Variants in PRSS23 observed in about 807,000 individuals in gnomAD.
The protein encoded by PRSS23 is serine protease 23.
PRSS23 carries 25 observed loss-of-function variants against 34.7 expected under a neutral mutation model. The ratio of observed to expected loss-of-function variants is 0.72; its 90% confidence interval spans 0.53 to 1.01. The LOEUF is 1.01. Ranked by LOEUF, PRSS23 falls within the 50% of genes least tolerant of loss-of-function variation. The pLI is 0.00. For missense variants in PRSS23, 445 were observed against 475.6 expected (o/e 0.94, Z 0.60); for synonymous variants, 176 against 186.6 (o/e 0.94, Z 0.46).
At chr11:86,939,426 A>ATATATATATATATTTTTTTT in intron 2 of PRSS23, among the ~76,000 whole-genome samples, 27 of 94,050 alleles carry the variant, frequency 2.9e-4, no homozygotes, top group Non-Finnish European at 4.6e-4. Context: ...ATATATATAT[A>ATATATATATATATTTTTTTT]TTTTTTAACA....
intron 2 of PRSS23, chr11:86,938,976 T>C (rs764919493): frequency 9.3e-6 from 4 of 427,944 alleles, no homozygotes; most frequent in South Asian, 1.7e-5. Context: ...CTCAAAAATA[T>C]AGGGAAATTT....
At chr11:86,928,248 TTTA>T (rs1949095724) in intron 2 of PRSS23, among the ~76,000 whole-genome samples, 1 of 148,086 alleles carries the variant, frequency 6.8e-6, no homozygotes, top group East Asian at 1.9e-4. Context: ...AGTATATGTA[TTTA>T]TTATATACTT....
intron 2 of PRSS23, among the ~76,000 whole-genome samples, chr11:86,931,901 C>A (rs907961699): frequency 6.6e-6 from 1 of 152,184 alleles, no homozygotes; most frequent in Non-Finnish European, 1.5e-5. Context: ...AGAAGGGTGA[C>A]GGTAGCCTGG....
chr11:86,800,968 C>T lies in PRSS23; in HGVS notation c.-14+317C>T, dbSNP rs536737991. 1.7e-4 allele frequency among the ~76,000 whole-genome samples: 26 copies of T among 152,234 alleles called. No homozygotes were observed. The South Asian group carries it at 4.8e-3, about 28-fold the overall frequency. On this transcript the variant is annotated intron_variant, in intron 1 of 1. Transcript: ENST00000280258. ...GCAGAGAGAGCCGGCTCTCGGCAAG[C>T]TGTCCTTCGGCGGGGGCGATGGCTA...
At chr11:86,799,705 A>AACC (rs1481821520), upstream of PRSS23, among the ~76,000 whole-genome samples, 1 of 145,340 alleles carries the variant, frequency 6.9e-6, no homozygotes, top group Non-Finnish European at 1.5e-5. Context: ...CCTGGCCCCC[A>AACC]ACCACCACCA....
chr11:86,909,198 T>C (rs1375940152), intron 2 of PRSS23: 3 of 152,156 alleles, frequency 2.0e-5, no homozygotes, highest in Non-Finnish European at 4.4e-5. Context: ...TTCCTCCATA[T>C]GGCCTGAGGT....
intron 2 of PRSS23, among the ~76,000 whole-genome samples, chr11:86,849,290 A>G (rs1948511976): frequency 6.6e-6 from 1 of 152,178 alleles, no homozygotes; most frequent in Admixed American, 6.5e-5. Flanking sequence ...CAATTGGGAG[A>G]CTTTGCTCTC....
chr11:86,835,636 CCT>C (rs1565360977), intron 2 of PRSS23, among the ~76,000 whole-genome samples: 2 of 152,120 alleles, frequency 1.3e-5, no homozygotes, highest in Non-Finnish European at 2.9e-5. Flanking sequence ...GCCAAGGAAC[CCT>C]CTTAGTTGCT....
intron 2 of PRSS23, among the ~76,000 whole-genome samples, chr11:86,923,955 C>A (rs537916416): frequency 6.6e-6 from 1 of 152,218 alleles, no homozygotes; most frequent in South Asian, 2.1e-4. Context: ...TGAGAAGAAT[C>A]GTATATCATC....
At chr11:86,859,642 TG>T (rs1948598881) in intron 2 of PRSS23, among the ~76,000 whole-genome samples, 1 of 151,922 alleles carries the variant, frequency 6.6e-6, no homozygotes, top group South Asian at 2.1e-4. Flanking sequence ...TTTGTAATAT[TG>T]TTCCTAGTAT....
chr11:86,914,956 G>C (rs1949002747), intron 2 of PRSS23, among the ~76,000 whole-genome samples: 1 of 152,210 alleles, frequency 6.6e-6, no homozygotes, highest in African/African-American at 2.4e-5. Flanking sequence ...GAGGGCTTTA[G>C]TGAGTGTATC....
rs567295706 is a variant in PRSS23 at position 86,810,485 on chromosome 11, T to A, written c.*1690T>A. On this transcript the variant is annotated 3_prime_UTR_variant, in exon 2 of 2. Coordinates refer to ENST00000280258, the MANE Select transcript of PRSS23 (RefSeq NM_007173.6). ...AGGAGATGCAGAGCCGCCAGGAAAA[T>A]TCTGAGTTCCAGCACAATTTTCTTT... The A allele has an allele frequency of 1.2e-5, 2 of 167,148 alleles. No homozygotes were observed. Among genetic ancestry groups the A allele is most frequent in the Non-Finnish European group, 2.9e-5 (2 of 68,090 alleles). The allele number at this position is 167,148 out of a possible 1,614,324, so 10.4% of individuals were successfully genotyped here. A position where few individuals can be genotyped will look rare whatever the true frequency, so the allele number is the denominator to read the frequency against.
At chr11:86,919,713 T>G (rs891052283) in intron 2 of PRSS23, among the ~76,000 whole-genome samples, 2 of 152,228 alleles carry the variant, frequency 1.3e-5, no homozygotes, top group African/African-American at 4.8e-5. Flanking sequence ...TAAAGTTCTT[T>G]GCAGTGTTTC....
chr11:86,878,247 A>ATCTCCGTCTCCCTCTCCCTCC (rs1948739278), intron 2 of PRSS23, among the ~76,000 whole-genome samples: 1 of 75,136 alleles, frequency 1.3e-5, no homozygotes, highest in Non-Finnish European at 2.5e-5. Context: ...CCTCTCCCTC[A>ATCTCCGTCTCCCTCTCCCTCC]TCTCCGTCTC....
intron 2 of PRSS23, among the ~76,000 whole-genome samples, chr11:86,943,603 G>A (rs1156527936): frequency 6.7e-6 from 1 of 150,092 alleles, no homozygotes; most frequent in East Asian, 2.0e-4. Context: ...CAGCCTGGGT[G>A]ACAGAGCAAG....
intron 2 of PRSS23, among the ~76,000 whole-genome samples, chr11:86,862,561 A>G (rs566476437): frequency 6.6e-6 from 1 of 151,824 alleles, no homozygotes; most frequent in Non-Finnish European, 1.5e-5. Context: ...ATTATTCCCA[A>G]TATCCAAGGA....
chr11:86,916,173 A>G (rs1949011523), intron 2 of PRSS23, among the ~76,000 whole-genome samples: 1 of 152,260 alleles, frequency 6.6e-6, no homozygotes, highest in Admixed American at 6.5e-5. Flanking sequence ...AAGAAAGTTT[A>G]TACATCAAAA....
At chr11:86,835,067 C>T (rs1185931139) in intron 2 of PRSS23, among the ~76,000 whole-genome samples, 1 of 152,194 alleles carries the variant, frequency 6.6e-6, no homozygotes, top group African/African-American at 2.4e-5. Context: ...ACCTTTTCTT[C>T]ATTGTCTGGA....
intron 2 of PRSS23, chr11:86,836,692 G>A (rs886196259): frequency 2.0e-5 from 3 of 152,194 alleles, no homozygotes; most frequent in Non-Finnish European, 4.4e-5. Context: ...CAGGACAGGA[G>A]AGTAAGACTG....
Sources: allele counts gnomAD v4.1 joint callset (sites outside exome capture counted in the v4.1 genomes callset), GRCh38; gene constraint gnomAD v4.1.1; transcripts MANE v1.5; gene names NCBI Gene and HGNC (gene_info 2026-07-23, HGNC 2026-07-21).